The following MACROH2A2 variants were observed in gnomAD, a reference collection of about 807,000 sequenced individuals.
MACROH2A2 encodes the protein macroH2A.2 histone, also known as core histone macro-H2A.2.
A neutral mutation model predicts 37.6 loss-of-function variants in MACROH2A2; 6 were observed. The observed-to-expected ratio is 0.16, with a 90% CI of 0.09 to 0.32. The LOEUF is 0.32. Among genes scored for constraint, MACROH2A2 ranks in the 10% least tolerant of loss-of-function variants. MACROH2A2 has a pLI of 1.00. For missense variants in MACROH2A2, 290 were observed against 485.9 expected (o/e 0.60, Z 3.79); for synonymous variants, 192 against 202.7 (o/e 0.95, Z 0.45).
intron 4 of MACROH2A2, among the ~76,000 whole-genome samples, chr10:70,093,379 G>A (rs2072257607): frequency 6.6e-6 from 1 of 152,110 alleles, no homozygotes; most frequent in African/African-American, 2.4e-5. Context: ...AGAAATCCTG[G>A]GGAGAAAGAA....
At chr10:70,078,785 G>A (rs1446042169) in intron 2 of MACROH2A2, among the ~76,000 whole-genome samples, 1 of 152,160 alleles carries the variant, frequency 6.6e-6, no homozygotes, top group Non-Finnish European at 1.5e-5. Flanking sequence ...TTAATCCAAG[G>A]GAATGAATCA....
At chr10:70,108,961 C>T in intron 7 of MACROH2A2, 72 bp from the exon 8 acceptor site, 2 of 1,340,402 alleles carry the variant, frequency 1.5e-6, no homozygotes, top group South Asian at 1.2e-5. Flanking sequence ...CTAACAGGTA[C>T]CTGATGAGGT....
chr10:70,105,572 G>A (rs1351327736), intron 7 of MACROH2A2, among the ~76,000 whole-genome samples: 2 of 152,198 alleles, frequency 1.3e-5, no homozygotes, highest in Non-Finnish European at 2.9e-5. Context: ...CATGAAGGGA[G>A]CCTGGGAGGA....
chr10:70,093,881 A>G, intron 5 of MACROH2A2, 36 bp downstream of exon 5: 1 of 1,098,240 alleles, frequency 9.1e-7, no homozygotes, highest in South Asian at 1.3e-5. Context: ...ATATTAAAAC[A>G]CCACTGTATT....
intron 1 of MACROH2A2, among the ~76,000 whole-genome samples, chr10:70,061,780 C>A (rs549093618): frequency 6.6e-6 from 1 of 152,302 alleles, no homozygotes; most frequent in South Asian, 2.1e-4. Flanking sequence ...TTGGTTCTAA[C>A]ATTCATGGTT....
At chr10:70,108,502 A>C (rs1344688885) in intron 7 of MACROH2A2, among the ~76,000 whole-genome samples, 1 of 151,986 alleles carries the variant, frequency 6.6e-6, no homozygotes, top group Non-Finnish European at 1.5e-5. Context: ...CCTTCATCCC[A>C]CGGCCTTCTC....
At position 70,111,586 on chromosome 10, in the gene MACROH2A2, C is replaced by G. The variant is rs779007856; in HGVS notation, c.1022C>G (p.Ser341Trp). ...LKAISAHFDD[S>W]SASSLKNVYF... is the part of the protein sequence containing the mutation. ...GCCATCTCAGCCCACTTTGATGACT[C>G]GAGCGCGTCCTCGCTGAAGAACGTG... Residue 341 changes from serine (S) to tryptophan (W), a missense_variant, in exon 9 of 9, where the codon TCG (serine) becomes TGG (tryptophan). Around this residue, in one of 3 missense-constraint regions of MACROH2A2, gnomAD observed 130 missense variants for 257.1 expected, o/e 0.51. Transcript: ENST00000373255. 2 of 1,613,794 alleles carry G rather than the reference C, an allele frequency of 1.2e-6. No individual in the cohort carries two copies. The highest frequency in any genetic ancestry group is 2.2e-5 in the South Asian group (2 of 90,986).
chr10:70,072,236 G>A (rs2072115215), intron 1 of MACROH2A2, among the ~76,000 whole-genome samples: 1 of 151,336 alleles, frequency 6.6e-6, no homozygotes. Context: ...TATACTTTAA[G>A]TTTATAAGCA....
chr10:70,087,432 C>T (rs914236539), intron 2 of MACROH2A2, among the ~76,000 whole-genome samples: 1 of 151,820 alleles, frequency 6.6e-6, no homozygotes, highest in African/African-American at 2.4e-5. Context: ...GGGGTTTCAC[C>T]ATGTTGGCCA....
At chr10:70,073,086 G>A (rs959250794) in intron 1 of MACROH2A2, among the ~76,000 whole-genome samples, 66 of 152,152 alleles carry the variant, frequency 4.3e-4, no homozygotes, top group African/African-American at 1.4e-3. Flanking sequence ...TAGAAGCGGC[G>A]CTATGCCCAG....
chr10:70,058,817 G>T (rs944979059), intron 1 of MACROH2A2, among the ~76,000 whole-genome samples: 3 of 152,022 alleles, frequency 2.0e-5, no homozygotes, highest in African/African-American at 7.2e-5. Flanking sequence ...TCACTGGGTT[G>T]CTCATCCCGA....
In MACROH2A2 at chr10:70,089,626, A is replaced by C. The variant is rs541163081; in HGVS notation, c.173-434A>C. 7.9e-5 allele frequency among the ~76,000 whole-genome samples: 12 copies of C among 152,374 alleles called. No homozygotes were observed. In the South Asian group the frequency reaches 2.5e-3, roughly 32 times the overall value. On this transcript the variant is annotated intron_variant, in intron 2 of 8. Transcript: ENST00000373255. ...AAAATCAGAAGTCCTGTACCAAGGA[A>C]GAAGAGGAAGAGGGAGAACTGATGC... is the stretch of plus-strand genomic sequence containing the variant.
At position 70,111,608 on chromosome 10, in the gene MACROH2A2, C is replaced by T. The variant is rs764656459; in HGVS notation, c.1044C>T (p.Asn348=). 118 of 1,613,590 alleles carry T rather than the reference C, an allele frequency of 7.3e-5. 1 individual carries two copies. In the Admixed American group the frequency reaches 1.5e-3, roughly 21 times the overall value. The change falls in exon 9 of 9, where the codon AAC becomes AAT. Residue 348 remains asparagine (N), a synonymous_variant. Transcript: ENST00000373255. ...ACTCGAGCGCGTCCTCGCTGAAGAA[C>T]GTGTACTTCCTGCTCTTCGACAGCG... ...FDDSSASSLK[N]VYFLLFDSES...
chr10:70,070,082 G>T (rs1241544564), intron 1 of MACROH2A2, among the ~76,000 whole-genome samples: 2 of 152,136 alleles, frequency 1.3e-5, no homozygotes, highest in Admixed American at 1.3e-4. Context: ...ATTCCTGGAT[G>T]TGCTCTAATT....
intron 1 of MACROH2A2, among the ~76,000 whole-genome samples, chr10:70,055,912 G>A (rs1443892430): frequency 6.6e-6 from 1 of 152,132 alleles, no homozygotes; most frequent in Non-Finnish European, 1.5e-5. Context: ...ATAAACTCTG[G>A]TGCATCTGTC....
At chr10:70,067,129 T>C (rs2072084069) in intron 1 of MACROH2A2, among the ~76,000 whole-genome samples, 1 of 152,204 alleles carries the variant, frequency 6.6e-6, no homozygotes, top group Admixed American at 6.5e-5. Flanking sequence ...CAAACACACA[T>C]AAAACAAAGT....
At chr10:70,101,851 ATAT>A in intron 7 of MACROH2A2, among the ~76,000 whole-genome samples, 1 of 152,320 alleles carries the variant, frequency 6.6e-6, no homozygotes, top group South Asian at 2.1e-4. Flanking sequence ...TGGCTGAATA[ATAT>A]TCCATTTTGT....
intron 3 of MACROH2A2, 107 bp from the exon 4 acceptor site, chr10:70,091,650 G>A: frequency 1.3e-6 from 1 of 777,532 alleles, no homozygotes; most frequent in Non-Finnish European, 2.0e-6. Flanking sequence ...CTCCAGCCTG[G>A]GTGACAGAGT....
intron 8 of MACROH2A2, among the ~76,000 whole-genome samples, chr10:70,109,795 G>T (rs987095272): frequency 6.6e-5 from 10 of 152,174 alleles, no homozygotes; most frequent in African/African-American, 2.4e-4. Context: ...AGTGATTGCT[G>T]AAAAGGAGAC....
Sources: gnomAD v4.1 joint callset for allele counts (sites outside exome capture counted in the v4.1 genomes callset) on GRCh38, gnomAD v4.1.1 for gene constraint, gnomAD v4.1.1 regional missense constraint, MANE v1.5 for transcripts, NCBI Gene and HGNC (gene_info 2026-07-23, HGNC 2026-07-21) for gene names.